The following SDK1 variants were observed in gnomAD, a reference collection of about 807,000 sequenced individuals.
SDK1 encodes sidekick cell adhesion molecule 1, also known as protein sidekick-1.
Under a neutral mutation model 245.5 loss-of-function variants are expected in SDK1, and 157 were observed. That is an observed-to-expected ratio of 0.64 (90% confidence interval 0.56 to 0.73). The LOEUF (loss-of-function observed/expected upper bound fraction) is 0.73, where lower values mean the gene tolerates loss of function less well. SDK1 is among the 30% of genes least tolerant of loss of function. The pLI, the probability that SDK1 is intolerant of heterozygous loss-of-function variation, is 0.00. For synonymous variants in SDK1, 1,647 were observed against 1,278.5 expected (o/e 1.29, Z -6.15); for missense variants, 3,583 against 3,002.3 (o/e 1.19, Z -4.52).
intron 22 of SDK1, among the ~76,000 whole-genome samples, chr7:4,091,886 C>T (rs13233532): frequency 0.29 from 44,132 of 151,962 alleles, 7,964 homozygotes; most frequent in African/African-American, 0.51. Flanking sequence ...ACACGTTCTT[C>T]TGGGGAACTC....
intron 4 of SDK1, among the ~76,000 whole-genome samples, chr7:3,772,667 T>G (rs2115001669): frequency 6.6e-6 from 1 of 152,328 alleles, no homozygotes; most frequent in East Asian, 1.9e-4. Context: ...TTTACTGAAA[T>G]CTTTATTTCT....
chr7:3,581,627 C>T (rs1780499946), intron 1 of SDK1, among the ~76,000 whole-genome samples: 1 of 152,102 alleles, frequency 6.6e-6, no homozygotes, highest in South Asian at 2.1e-4. Flanking sequence ...ACCATTCAAC[C>T]CAGGAATCCC....
chr7:3,504,396 T>C (rs1315346920), intron 1 of SDK1, among the ~76,000 whole-genome samples: 2 of 151,976 alleles, frequency 1.3e-5, no homozygotes, highest in East Asian at 1.9e-4. Context: ...AGGACTCATA[T>C]TTTCCAATTT....
chr7:3,575,300 CTCT>C (rs943449127), intron 1 of SDK1, among the ~76,000 whole-genome samples: 25 of 152,088 alleles, frequency 1.6e-4, no homozygotes, highest in African/African-American at 5.3e-4. Flanking sequence ...TCTCTGGTGT[CTCT>C]TCTTGTAAGG....
chr7:4,124,248 G>A (rs1784240439), intron 25 of SDK1, among the ~76,000 whole-genome samples: 1 of 152,228 alleles, frequency 6.6e-6, no homozygotes. Context: ...AAACGGGGTG[G>A]CTTAAATGAC....
At chr7:4,243,093 A>G (rs767829197) in intron 43 of SDK1, among the ~76,000 whole-genome samples, 3 of 152,236 alleles carry the variant, frequency 2.0e-5, no homozygotes, top group Non-Finnish European at 2.9e-5. Context: ...AAGCAACCAC[A>G]TGTAGTTTCA....
intron 17 of SDK1, among the ~76,000 whole-genome samples, chr7:4,039,303 A>T (rs903238304): frequency 3.1e-5 from 3 of 95,262 alleles, no homozygotes; most frequent in African/African-American, 9.4e-5. Flanking sequence ...AAAGTATAAT[A>T]AAAAAAAAAG....
intron 4 of SDK1, among the ~76,000 whole-genome samples, chr7:3,742,978 C>G (rs1205769376): frequency 3.9e-5 from 6 of 152,210 alleles, no homozygotes; most frequent in African/African-American, 1.4e-4. Flanking sequence ...CCCTCATTAA[C>G]ATGAGGAAGC....
chr7:3,701,591 CCT>C, intron 4 of SDK1, among the ~76,000 whole-genome samples: 1 of 151,386 alleles, frequency 6.6e-6, no homozygotes, highest in Middle Eastern at 3.2e-3. Flanking sequence ...AGAGCGAGAC[CCT>C]GTCTCAAAAA....
At chr7:3,357,326 GTGTTTTTTTTTT>G (rs1780826780) in intron 1 of SDK1, among the ~76,000 whole-genome samples, 36 of 50,132 alleles carry the variant, frequency 7.2e-4, no homozygotes, top group South Asian at 2.8e-3. Context: ...CCTTCTTTTA[GTGTTTTTTTTTT>G]TTTTTTTTTT....
At chr7:3,368,970 A>G (rs1376459319) in intron 1 of SDK1, among the ~76,000 whole-genome samples, 2 of 152,174 alleles carry the variant, frequency 1.3e-5, no homozygotes, top group East Asian at 1.9e-4. Flanking sequence ...CTGTCTTTGC[A>G]TGTGCTGCTT....
chr7:3,762,519 T>G (rs1458235786), intron 4 of SDK1, among the ~76,000 whole-genome samples: 1 of 152,256 alleles, frequency 6.6e-6, no homozygotes, highest in African/African-American at 2.4e-5. Context: ...TTGCTGCAAA[T>G]GCAATTACTG....
chr7:3,940,659 A>G (rs1329140477), intron 5 of SDK1, among the ~76,000 whole-genome samples: 1 of 151,874 alleles, frequency 6.6e-6, no homozygotes, highest in South Asian at 2.1e-4. Context: ...CCCGTCTACT[A>G]AAAATACAAA....
chr7:4,162,017 A>G (rs867811042), intron 32 of SDK1, among the ~76,000 whole-genome samples, 161 bp downstream of exon 32: 1 of 152,108 alleles, frequency 6.6e-6, no homozygotes, highest in African/African-American at 2.4e-5. Context: ...GCGAGGGGGA[A>G]ATGGTGTCAA....
At chr7:3,996,218 C>G (rs1027581568) in intron 14 of SDK1, among the ~76,000 whole-genome samples, 3 of 152,064 alleles carry the variant, frequency 2.0e-5, no homozygotes, top group African/African-American at 7.2e-5. Context: ...ATACAAAAGT[C>G]TGCTTGTGGA....
chr7:3,644,497 GC>G (rs1288165008), intron 4 of SDK1, among the ~76,000 whole-genome samples: 3 of 151,532 alleles, frequency 2.0e-5, no homozygotes, highest in African/African-American at 7.3e-5. Flanking sequence ...ATTTGCGGTG[GC>G]TTGTTCCTGT....
chr7:3,513,836 A>G (rs1330874163), intron 1 of SDK1, among the ~76,000 whole-genome samples: 1 of 151,792 alleles, frequency 6.6e-6, no homozygotes, highest in East Asian at 1.9e-4. Context: ...CTTTATATCC[A>G]TGTGTACTCA....
At chr7:3,589,904 C>T (rs1264826508) in intron 1 of SDK1, among the ~76,000 whole-genome samples, 1 of 152,114 alleles carries the variant, frequency 6.6e-6, no homozygotes, top group African/African-American at 2.4e-5. Flanking sequence ...AAGTAATAAG[C>T]AATAACAGAT....
chr7:3,481,345 C>T (rs901879151), intron 1 of SDK1, among the ~76,000 whole-genome samples: 1 of 152,220 alleles, frequency 6.6e-6, no homozygotes, highest in African/African-American at 2.4e-5. Flanking sequence ...GACTGCATAT[C>T]ATCCTGGTAC....
Sources: allele counts gnomAD v4.1 joint callset (sites outside exome capture counted in the v4.1 genomes callset), GRCh38; gene constraint gnomAD v4.1.1; transcripts MANE v1.5; gene names NCBI Gene and HGNC (gene_info 2026-07-23, HGNC 2026-07-21).